FYN: variants seen among roughly 807,000 people sequenced by gnomAD.
FYN encodes the protein FYN proto-oncogene, Src family tyrosine kinase.
FYN carries 10 observed loss-of-function variants against 70.2 expected under a neutral mutation model. The ratio of observed to expected loss-of-function variants is 0.14; its 90% confidence interval spans 0.09 to 0.24. FYN has a LOEUF of 0.24. Ranked by LOEUF, FYN falls within the 10% of genes least tolerant of loss-of-function variation. The pLI is 1.00. For synonymous variants in FYN, 236 were observed against 248.6 expected, an observed-to-expected ratio of 0.95 and a Z score of 0.48; for missense variants, 319 against 673.1, an observed-to-expected ratio of 0.47 and a Z score of 5.82.
At chr6:111,861,418 T>C (rs959087007) in intron 1 of FYN, among the ~76,000 whole-genome samples, 1 of 151,976 alleles carries the variant, frequency 6.6e-6, no homozygotes, top group Non-Finnish European at 1.5e-5. Flanking sequence ...ACATTTAAGG[T>C]GGTAGTTGTG....
At chr6:111,752,202 C>T (rs1485039600) in intron 3 of FYN, among the ~76,000 whole-genome samples, 2 of 152,142 alleles carry the variant, frequency 1.3e-5, no homozygotes, top group Non-Finnish European at 2.9e-5. Context: ...GTGATCTTGG[C>T]AAGTTATTTA....
chr6:111,693,646 G>A (rs557949511), intron 12 of FYN, among the ~76,000 whole-genome samples: 1 of 152,252 alleles, frequency 6.6e-6, no homozygotes, highest in Admixed American at 6.5e-5. Flanking sequence ...GGATGGCGGG[G>A]ATGATGAAAG....
At chr6:111,790,064 T>C (rs1321152788) in intron 2 of FYN, among the ~76,000 whole-genome samples, 1 of 151,422 alleles carries the variant, frequency 6.6e-6, no homozygotes, top group Non-Finnish European at 1.5e-5. Context: ...AGTCTGATAG[T>C]TTTTAAGCTA....
intron 1 of FYN, among the ~76,000 whole-genome samples, chr6:111,868,306 G>A (rs565253060): frequency 1.3e-5 from 2 of 152,070 alleles, no homozygotes; most frequent in Non-Finnish European, 2.9e-5. Flanking sequence ...TTAATTGTCT[G>A]GCAAATAGAA....
At chr6:111,760,549 C>T (rs1583417241) in intron 3 of FYN, among the ~76,000 whole-genome samples, 1 of 152,196 alleles carries the variant, frequency 6.6e-6, no homozygotes, top group South Asian at 2.1e-4. Context: ...TGTGAGGTCA[C>T]ATGAAATAAT....
At chr6:111,760,243 T>G (rs747838137) in intron 3 of FYN, among the ~76,000 whole-genome samples, 2 of 151,882 alleles carry the variant, frequency 1.3e-5, no homozygotes, top group Non-Finnish European at 2.9e-5. Flanking sequence ...AATGGAAAAT[T>G]AAAATGAGCA....
At chr6:111,868,792 T>C (rs1377981675) in intron 1 of FYN, among the ~76,000 whole-genome samples, 2 of 152,068 alleles carry the variant, frequency 1.3e-5, no homozygotes, top group Non-Finnish European at 2.9e-5. Flanking sequence ...AAAGTTTGCT[T>C]CAATTTCCCA....
chr6:111,694,759 G>A lies in FYN; in HGVS notation c.1043-55C>T, dbSNP rs1799502150. ...TTACTTTGAAAGATAATTCCCAACA[G>A]AGAGCTGTATTTGGTTTTCTTATTA... is the stretch of plus-strand genomic sequence containing the variant. On this transcript the variant is annotated intron_variant, in intron 10 of 13. Coordinates refer to ENST00000354650, the MANE Select transcript of FYN (RefSeq NM_002037.5). This position sits in a 1 kb window ranked among gnomAD's most constrained non-coding sequence, Gnocchi z 5.0. 6.8e-7 allele frequency: 1 copy of A among 1,469,074 alleles called. No homozygotes were observed. The highest frequency in any genetic ancestry group is 1.4e-5 in the African/African-American group (1 of 71,494). 91.0% of individuals were successfully genotyped at this position (1,469,074 alleles called of 1,614,324 possible).
In FYN at chr6:111,694,455, A is replaced by G. The variant is rs1799485722; in HGVS notation, c.1193T>C (p.Val398Ala). 2 of 1,614,246 alleles carry G rather than the reference A, an allele frequency of 1.2e-6. No individual in the cohort carries two copies. The highest frequency in any genetic ancestry group is 1.7e-6 in the Non-Finnish European group (2 of 1,180,048). The stretch of plus-strand genomic sequence containing the variant: ...AATCTTGCATATGAGTCCATTCCCC[A>G]CTAGAATGTTTGCTGATCGCAGATC... The part of the protein sequence containing the change: ...HRDLRSANIL[V>A]GNGLICKIAD... Residue 398 changes from valine (V) to alanine (A), a missense_variant, in exon 12 of 14, where the codon GTG becomes GCG. Val to Ala is a moderately conservative substitution (Grantham distance 64, BLOSUM62 0). Transcript: ENST00000354650. This position sits in a 1 kb window ranked among gnomAD's most constrained non-coding sequence, Gnocchi z 5.0.
chr6:111,862,954 G>C (rs1466953372), intron 1 of FYN, among the ~76,000 whole-genome samples: 2 of 152,222 alleles, frequency 1.3e-5, no homozygotes, highest in Non-Finnish European at 2.9e-5. Flanking sequence ...GATGGTAATG[G>C]GCTTCTGGCT....
chr6:111,673,629 T>TTTTTTTTTTG (rs1798404521), intron 13 of FYN, among the ~76,000 whole-genome samples: 1 of 148,704 alleles, frequency 6.7e-6, no homozygotes, highest in Non-Finnish European at 1.5e-5. Flanking sequence ...ATTGTTTTTT[T>TTTTTTTTTTG]TTTTTTTTTT....
chr6:111,693,980 T>C (rs1799463813), intron 12 of FYN, among the ~76,000 whole-genome samples: 2 of 152,312 alleles, frequency 1.3e-5, no homozygotes, highest in African/African-American at 4.8e-5. Context: ...CACTGCACCA[T>C]GCCCTGTTGG....
chr6:111,675,273 C>T (rs2128411550), intron 12 of FYN, among the ~76,000 whole-genome samples: 1 of 152,296 alleles, frequency 6.6e-6, no homozygotes, highest in South Asian at 2.1e-4. Context: ...CTTCTACCAC[C>T]CAGCAAGAGT....
At chr6:111,731,530 G>A (rs569885401) in intron 3 of FYN, among the ~76,000 whole-genome samples, 2 of 152,304 alleles carry the variant, frequency 1.3e-5, no homozygotes, top group South Asian at 2.1e-4. Flanking sequence ...CCAGTCCCCC[G>A]GCCCCTGGGT....
At chr6:111,851,905 T>C (rs1366645541) in intron 1 of FYN, among the ~76,000 whole-genome samples, 2 of 150,922 alleles carry the variant, frequency 1.3e-5, no homozygotes, top group South Asian at 2.1e-4. Context: ...TTTTTTTTTT[T>C]CAAGAGAAGC....
chr6:111,794,744 T>C (rs1023659256), intron 2 of FYN, among the ~76,000 whole-genome samples: 1 of 152,226 alleles, frequency 6.6e-6, no homozygotes, highest in Non-Finnish European at 1.5e-5. Flanking sequence ...CTATGGCTGC[T>C]TTCACACACA....
chr6:111,756,871 T>C (rs1314128474), intron 3 of FYN, among the ~76,000 whole-genome samples: 1 of 152,166 alleles, frequency 6.6e-6, no homozygotes, highest in Non-Finnish European at 1.5e-5. Flanking sequence ...AGCACCATAC[T>C]CAATGGTGAA....
intron 3 of FYN, among the ~76,000 whole-genome samples, chr6:111,771,876 T>C (rs1289861694): frequency 6.6e-6 from 1 of 151,894 alleles, no homozygotes; most frequent in Non-Finnish European, 1.5e-5. Flanking sequence ...TTTCCTTGTT[T>C]AGGGACCTAC....
intron 13 of FYN, among the ~76,000 whole-genome samples, chr6:111,672,759 TC>T (rs1798342678): frequency 1.3e-5 from 2 of 152,122 alleles, no homozygotes; most frequent in South Asian, 4.1e-4. Flanking sequence ...TTGCACTATC[TC>T]CCCGATAGAG....
Sources: gnomAD v4.1 joint callset for allele counts (sites outside exome capture counted in the v4.1 genomes callset) on GRCh38, gnomAD v4.1.1 for gene constraint, Gnocchi (gnomAD v3.1) non-coding constraint, MANE v1.5 for transcripts, NCBI Gene and HGNC (gene_info 2026-07-23, HGNC 2026-07-21) for gene names.